The following KCNN3 variants were observed in gnomAD, a reference collection of about 807,000 sequenced individuals.
The protein encoded by KCNN3 is small conductance calcium-activated potassium channel protein 3.
A neutral mutation model predicts 62.9 loss-of-function variants in KCNN3; 16 were observed. That is an observed-to-expected ratio of 0.25 (90% confidence interval 0.17 to 0.39). The LOEUF (loss-of-function observed/expected upper bound fraction) is 0.39, where lower values mean the gene tolerates loss of function less well. KCNN3 is among the 10% of genes least tolerant of loss of function. The pLI, the probability that KCNN3 is intolerant of heterozygous loss-of-function variation, is 1.00. For missense variants in KCNN3, 599 were observed against 949.4 expected (o/e 0.63, Z 4.85); for synonymous variants, 370 against 389.2 (o/e 0.95, Z 0.58).
chr1:154,781,263 A>C (rs1377087990), intron 2 of KCNN3, among the ~76,000 whole-genome samples: 1 of 152,214 alleles, frequency 6.6e-6, no homozygotes, highest in Non-Finnish European at 1.5e-5. Context: ...TTTTTTACTC[A>C]CGTAGCAGGA....
Position 154,733,138 on chromosome 1 carries a change from A to G in KCNN3, c.1455T>C (p.His485=), listed in dbSNP as rs1236133765. 1.2e-6 allele frequency: 2 copies of G among 1,614,194 alleles called. No individual in the cohort carries two copies. The highest frequency in any genetic ancestry group is 1.7e-6 in the Non-Finnish European group (2 of 1,180,018). ...AGTTACTAGTTACGTCCTGCTGGTC[A>G]TGGTACCTGCCAATGGGAAGACAGG... is the stretch of plus-strand genomic sequence containing the variant. The part of the protein sequence containing the change: ...AWTVRVCERY[H]DQQDVTSNFL... Residue 485 remains histidine (H), a synonymous_variant, in exon 4 of 8, where the codon CAT becomes CAC. Coordinates refer to ENST00000271915, the MANE Select transcript of KCNN3 (RefSeq NM_002249.6).
rs1310146293 is a variant in KCNN3 at position 154,824,482 on chromosome 1, A to G, written c.934-2298T>C. Among the ~76,000 whole-genome samples the G allele has an allele frequency of 3.3e-5, 5 of 152,208 alleles. No individual in the cohort carries two copies. In the East Asian group the frequency reaches 9.6e-4, roughly 29 times the overall value. ...ACAAGACCCAGATGGGGCTGAAAAG[A>G]GCAAATGGTGAATTCAGGAACACTC... is the stretch of plus-strand genomic sequence containing the variant. On this transcript the variant is annotated intron_variant, in intron 1 of 7. Coordinates refer to ENST00000271915, the MANE Select transcript of KCNN3 (RefSeq NM_002249.6).
At chr1:154,812,255 CT>C (rs963745903) in intron 2 of KCNN3, among the ~76,000 whole-genome samples, 1 of 151,678 alleles carries the variant, frequency 6.6e-6, no homozygotes, top group East Asian at 1.9e-4. Flanking sequence ...ACAGAATATT[CT>C]TTTTTTTTCT....
intron 2 of KCNN3, among the ~76,000 whole-genome samples, chr1:154,814,892 A>C (rs1650594200): frequency 6.6e-6 from 1 of 152,116 alleles, no homozygotes; most frequent in Non-Finnish European, 1.5e-5. Flanking sequence ...AATCCCCATC[A>C]CCAGTCGCTG....
At chr1:154,802,491 G>A (rs1557983638) in intron 2 of KCNN3, among the ~76,000 whole-genome samples, 1 of 152,170 alleles carries the variant, frequency 6.6e-6, no homozygotes, top group Non-Finnish European at 1.5e-5. Context: ...CAGGAAGTAT[G>A]GAGCCCAGCC....
At chr1:154,775,232 G>A (rs911959570) in intron 2 of KCNN3, among the ~76,000 whole-genome samples, 1 of 152,226 alleles carries the variant, frequency 6.6e-6, no homozygotes. Context: ...GAGGACCCAG[G>A]AGAGGACCTA....
chr1:154,857,716 G>A (rs937599007), intron 1 of KCNN3, among the ~76,000 whole-genome samples: 5 of 152,156 alleles, frequency 3.3e-5, no homozygotes, highest in African/African-American at 7.2e-5. Context: ...TTAAACTCTC[G>A]GAGCCTTGGG....
chr1:154,702,741 ATATATATG>A lies in KCNN3; in HGVS notation c.*5227_*5234del, dbSNP rs1699881755. 2 of 114,756 alleles carry A rather than the reference ATATATATG, an allele frequency of 1.7e-5. No homozygotes were observed. The highest frequency in any genetic ancestry group is 3.7e-5 in the African/African-American group (1 of 27,104). The allele number at this position is 114,756 out of a possible 1,614,324, so 7.1% of individuals were successfully genotyped here. A position where few individuals can be genotyped will look rare whatever the true frequency, so the allele number is the denominator to read the frequency against. The stretch of plus-strand genomic sequence containing the variant: ...TATATATATATATATATATATATAT[ATATATATG>A]TACTTTTTCTTTTTGGCTATAAATG... On this transcript the variant is annotated 3_prime_UTR_variant, in exon 8 of 8. Transcript: ENST00000271915.
intron 4 of KCNN3, among the ~76,000 whole-genome samples, chr1:154,728,133 A>T (rs1700508906): frequency 6.6e-6 from 1 of 151,980 alleles, no homozygotes; most frequent in Non-Finnish European, 1.5e-5. Flanking sequence ...CAGGGTCTAG[A>T]TGGGGTGTTT....
intron 3 of KCNN3, among the ~76,000 whole-genome samples, chr1:154,748,465 C>T (rs1007874174): frequency 1.3e-5 from 2 of 152,152 alleles, no homozygotes; most frequent in African/African-American, 2.4e-5. Context: ...TAGAGATGAT[C>T]TACTTCTCAT....
intron 1 of KCNN3, among the ~76,000 whole-genome samples, chr1:154,847,313 C>T (rs1652114831): frequency 6.6e-6 from 1 of 152,014 alleles, no homozygotes; most frequent in Non-Finnish European, 1.5e-5. Flanking sequence ...AGGGCTCTTT[C>T]CTCTCTGGAG....
intron 3 of KCNN3, 35 bp downstream of exon 3, chr1:154,771,940 C>G (rs377004531): frequency 6.4e-5 from 103 of 1,609,574 alleles, no homozygotes; most frequent in Non-Finnish European, 8.3e-5. Context: ...TGTCCCAGCA[C>G]AGGCTCTGTA....
chr1:154,699,383 A>G lies in KCNN3; in HGVS notation c.*8593T>C, dbSNP rs1699806181. 6.6e-6 allele frequency: 1 copy of G among 152,188 alleles called. No individual in the cohort carries two copies. The allele number at this position is 152,188 out of a possible 1,614,324, so 9.4% of individuals were successfully genotyped here. ...ATTTATATATGTATGTATATATTAT[A>G]TATGAATGTGCGGGTATATGTGTGT... On this transcript the variant is annotated 3_prime_UTR_variant, in exon 8 of 8. Transcript: ENST00000271915.
intron 2 of KCNN3, among the ~76,000 whole-genome samples, chr1:154,786,721 C>T (rs768781139): frequency 8.5e-5 from 13 of 152,192 alleles, no homozygotes; most frequent in East Asian, 7.7e-4. Flanking sequence ...CTACTGGGGA[C>T]GCAGGGAGAT....
chr1:154,799,860 A>G (rs1278081586), intron 2 of KCNN3, among the ~76,000 whole-genome samples: 1 of 152,110 alleles, frequency 6.6e-6, no homozygotes, highest in African/African-American at 2.4e-5. Context: ...TGAGCATGAA[A>G]CTGACTTTGT....
At chr1:154,726,523 T>A (rs1425881796) in intron 4 of KCNN3, among the ~76,000 whole-genome samples, 1 of 152,140 alleles carries the variant, frequency 6.6e-6, no homozygotes, top group East Asian at 1.9e-4. Flanking sequence ...CTGAGAGTGT[T>A]CCTGAAAATA....
At chr1:154,804,945 A>T (rs1022210311) in intron 2 of KCNN3, among the ~76,000 whole-genome samples, 8 of 152,214 alleles carry the variant, frequency 5.3e-5, no homozygotes, top group African/African-American at 1.9e-4. Context: ...CACCGAAAAC[A>T]TAGTGAATTA....
At chr1:154,741,337 C>T (rs1700818203) in intron 3 of KCNN3, among the ~76,000 whole-genome samples, 1 of 152,208 alleles carries the variant, frequency 6.6e-6, no homozygotes, top group African/African-American at 2.4e-5. Context: ...TTACAGTATT[C>T]TCTGTAGCCT....
chr1:154,719,964 T>C (rs1360108535), intron 5 of KCNN3, among the ~76,000 whole-genome samples: 1 of 152,226 alleles, frequency 6.6e-6, no homozygotes, highest in Non-Finnish European at 1.5e-5. Context: ...ATTTCCGTTG[T>C]TCAGAGTTGG....
Sources: gnomAD v4.1 joint callset for allele counts (sites outside exome capture counted in the v4.1 genomes callset) on GRCh38, gnomAD v4.1.1 for gene constraint, MANE v1.5 for transcripts, NCBI Gene and HGNC (gene_info 2026-07-23, HGNC 2026-07-21) for gene names.